The following SLC24A3 variants were observed in gnomAD, a reference collection of about 807,000 sequenced individuals.
SLC24A3 encodes the protein sodium/potassium/calcium exchanger 3.
In SLC24A3, 28 loss-of-function variants were observed where a neutral mutation model predicts 75.8. That is an observed-to-expected ratio of 0.37 (90% CI 0.27 to 0.51). The LOEUF (loss-of-function observed/expected upper bound fraction) is 0.51. Ranked by LOEUF, SLC24A3 falls within the 20% of genes least tolerant of loss-of-function variation. The pLI, the probability that SLC24A3 is intolerant of heterozygous loss-of-function variation, is 0.94. For synonymous variants in SLC24A3, 372 were observed against 334.1 expected (o/e 1.11, Z -1.24); for missense variants, 663 against 847.8 (o/e 0.78, Z 2.71).
At position 19,674,304 on chromosome 20, in the gene SLC24A3, A is replaced by G. The variant is rs78708329; in HGVS notation, c.767+650A>G. ...TGGCTTAAAAGCACAAACATGTATT[A>G]TCTCACACATTGTCTGAGAGTTAGG... On this transcript the variant is annotated intron_variant, in intron 9 of 16. Coordinates refer to ENST00000328041, the MANE Select transcript of SLC24A3 (RefSeq NM_020689.4). 6.0e-3 allele frequency among the ~76,000 whole-genome samples: 909 copies of G among 152,380 alleles called. 2 individuals are homozygous for G. Among genetic ancestry groups the G allele is most frequent in the Middle Eastern group, 0.024 (7 of 292 alleles).
At chr20:19,386,012 C>T (rs1336545946) in intron 2 of SLC24A3, among the ~76,000 whole-genome samples, 1 of 152,162 alleles carries the variant, frequency 6.6e-6, no homozygotes, top group East Asian at 1.9e-4. Context: ...CTTTGGCTAG[C>T]ATGGACATTT....
intron 12 of SLC24A3, among the ~76,000 whole-genome samples, chr20:19,687,696 T>A (rs2032694167): frequency 6.6e-6 from 1 of 152,230 alleles, no homozygotes; most frequent in Admixed American, 6.5e-5. Flanking sequence ...GTGTGTGAGA[T>A]GAGACCAAGT....
At chr20:19,425,366 G>A (rs1487246076) in intron 2 of SLC24A3, among the ~76,000 whole-genome samples, 4 of 151,858 alleles carry the variant, frequency 2.6e-5, no homozygotes, top group Non-Finnish European at 4.4e-5. Flanking sequence ...ACCAGCCCCC[G>A]GCCTTTTTGT....
intron 6 of SLC24A3, among the ~76,000 whole-genome samples, chr20:19,604,040 T>C (rs372584827): frequency 1.4e-3 from 216 of 152,290 alleles, no homozygotes; most frequent in African/African-American, 4.9e-3. Flanking sequence ...ACTTACTCCA[T>C]CGGTGAGTAT....
chr20:19,326,834 C>T (rs79954521), intron 2 of SLC24A3, among the ~76,000 whole-genome samples: 7,135 of 152,246 alleles, frequency 0.047, 228 homozygotes, highest in Non-Finnish European at 0.071. Context: ...CCTCCTGCCT[C>T]AGCCTCCTAA....
chr20:19,391,501 C>A (rs1312735643), intron 2 of SLC24A3, among the ~76,000 whole-genome samples: 1 of 152,158 alleles, frequency 6.6e-6, no homozygotes, highest in Non-Finnish European at 1.5e-5. Context: ...AGACTGGTGT[C>A]CCATATCCAG....
intron 2 of SLC24A3, among the ~76,000 whole-genome samples, chr20:19,482,131 G>A (rs1988065629): frequency 6.6e-6 from 1 of 152,182 alleles, no homozygotes; most frequent in Non-Finnish European, 1.5e-5. Flanking sequence ...GCCTGGTTGT[G>A]CACCCCCTTT....
intron 6 of SLC24A3, among the ~76,000 whole-genome samples, chr20:19,609,168 C>T (rs1477100994): frequency 2.0e-5 from 3 of 152,102 alleles, no homozygotes. Flanking sequence ...GAATGTTTTT[C>T]CCCAAACTCT....
chr20:19,606,868 AC>A (rs2031604371), intron 6 of SLC24A3, among the ~76,000 whole-genome samples: 1 of 152,152 alleles, frequency 6.6e-6, no homozygotes, highest in Non-Finnish European at 1.5e-5. Context: ...CTTGAACCCC[AC>A]TGTTCTGCTT....
chr20:19,397,791 C>T (rs1986482875), intron 2 of SLC24A3, among the ~76,000 whole-genome samples: 1 of 151,210 alleles, frequency 6.6e-6, no homozygotes, highest in Admixed American at 6.6e-5. Context: ...TAATTTGGAA[C>T]TATTGTTATG....
Position 19,336,611 on chromosome 20 carries a change from C to A in SLC24A3, c.271+55524C>A, listed in dbSNP as rs1054572250. 3.3e-5 allele frequency among the ~76,000 whole-genome samples: 5 copies of A among 151,816 alleles called. No individual in the cohort carries two copies. In the East Asian group the frequency reaches 5.8e-4, roughly 18 times the overall value. ...ATGTTGGCCAGACTGGTCTTGAACT[C>A]CTGGCCTCAATCTGCCCCCACTTGG... On this transcript the variant is annotated intron_variant, in intron 2 of 16. Coordinates refer to ENST00000328041, the MANE Select transcript of SLC24A3 (RefSeq NM_020689.4).
At chr20:19,439,164 C>T (rs947428778) in intron 2 of SLC24A3, among the ~76,000 whole-genome samples, 2 of 152,204 alleles carry the variant, frequency 1.3e-5, no homozygotes, top group South Asian at 2.1e-4. Flanking sequence ...GCCTGCTGCC[C>T]CCTTAGCACT....
At chr20:19,468,337 G>A (rs1032092435) in intron 2 of SLC24A3, among the ~76,000 whole-genome samples, 2 of 152,048 alleles carry the variant, frequency 1.3e-5, no homozygotes, top group African/African-American at 4.8e-5. Context: ...GGCAAGGATG[G>A]GGGAGCTGTC....
chr20:19,451,817 G>A (rs909824246), intron 2 of SLC24A3, among the ~76,000 whole-genome samples: 2 of 152,126 alleles, frequency 1.3e-5, no homozygotes, highest in African/African-American at 2.4e-5. Context: ...CATGTCATGC[G>A]CTGGCACCTC....
At chr20:19,414,237 A>G (rs976825088) in intron 2 of SLC24A3, among the ~76,000 whole-genome samples, 1 of 152,244 alleles carries the variant, frequency 6.6e-6, no homozygotes, top group Non-Finnish European at 1.5e-5. Context: ...TAACTAGCCC[A>G]TTATAAATCA....
intron 1 of SLC24A3, among the ~76,000 whole-genome samples, chr20:19,249,774 T>C (rs181870798): frequency 1.9e-3 from 293 of 152,322 alleles, no homozygotes; most frequent in Non-Finnish European, 2.9e-3. Flanking sequence ...GGTGCACATG[T>C]TAATTGCATG....
At chr20:19,396,054 A>T (rs1285086364) in intron 2 of SLC24A3, among the ~76,000 whole-genome samples, 7 of 152,222 alleles carry the variant, frequency 4.6e-5, no homozygotes, top group Non-Finnish European at 1.0e-4. Context: ...ATTACTTGTC[A>T]TTGTAGAATT....
intron 16 of SLC24A3, among the ~76,000 whole-genome samples, chr20:19,719,992 G>A (rs766157642): frequency 6.6e-6 from 1 of 152,156 alleles, no homozygotes; most frequent in Non-Finnish European, 1.5e-5. Context: ...TGGGAGCTGG[G>A]GAATCAGGCG....
At chr20:19,297,648 A>T (rs1056254449) in intron 2 of SLC24A3, among the ~76,000 whole-genome samples, 1 of 152,224 alleles carries the variant, frequency 6.6e-6, no homozygotes, top group Non-Finnish European at 1.5e-5. Flanking sequence ...ATACATATTG[A>T]TGACATATAC....
Sources: allele counts gnomAD v4.1 joint callset (sites outside exome capture counted in the v4.1 genomes callset), GRCh38; gene constraint gnomAD v4.1.1; transcripts MANE v1.5; gene names NCBI Gene and HGNC (gene_info 2026-07-23, HGNC 2026-07-21).